The following PDZD8 variants were observed in gnomAD, a reference collection of about 807,000 sequenced individuals.
PDZD8 encodes the protein PDZ domain-containing protein 8.
PDZD8 carries 14 observed loss-of-function variants against 85.8 expected under a neutral mutation model. The ratio of observed to expected loss-of-function variants is 0.16; its 90% confidence interval spans 0.11 to 0.26. The LOEUF (loss-of-function observed/expected upper bound fraction) is 0.26, where lower values mean the gene tolerates loss of function less well. PDZD8 is among the 10% of genes least tolerant of loss of function. The pLI is 1.00. For synonymous variants in PDZD8, 592 were observed against 568.6 expected (o/e 1.04, Z -0.59); for missense variants, 1,197 against 1,424.3 (o/e 0.84, Z 2.57).
At chr10:117,294,485 C>A (rs546591909) in intron 3 of PDZD8, among the ~76,000 whole-genome samples, 2 of 152,112 alleles carry the variant, frequency 1.3e-5, no homozygotes, top group African/African-American at 4.8e-5. Flanking sequence ...AGCAATGATC[C>A]AATAATCCCA....
chr10:117,368,889 T>A (rs1321717521), intron 1 of PDZD8, among the ~76,000 whole-genome samples: 2 of 131,390 alleles, frequency 1.5e-5, no homozygotes, highest in Non-Finnish European at 3.2e-5. Flanking sequence ...ACAGTCTCAC[T>A]CTGTTGCCCA....
At chr10:117,285,987 A>C (rs758549027) in intron 4 of PDZD8, among the ~76,000 whole-genome samples, 25 of 152,226 alleles carry the variant, frequency 1.6e-4, no homozygotes, top group Non-Finnish European at 3.5e-4. Flanking sequence ...ATACTATACT[A>C]TGAATAACGT....
chr10:117,288,087 C>A (rs1418010706), intron 4 of PDZD8, among the ~76,000 whole-genome samples: 6 of 152,078 alleles, frequency 3.9e-5, no homozygotes, highest in African/African-American at 1.4e-4. Context: ...AGGAATACAC[C>A]ATTCAAGTCT....
chr10:117,354,834 A>G (rs1247762501), intron 1 of PDZD8, among the ~76,000 whole-genome samples: 1 of 152,238 alleles, frequency 6.6e-6, no homozygotes, highest in Non-Finnish European at 1.5e-5. Flanking sequence ...TAACTCAGTG[A>G]GTGATCATTT....
At chr10:117,331,169 T>C (rs750424991) in intron 2 of PDZD8, among the ~76,000 whole-genome samples, 7 of 152,228 alleles carry the variant, frequency 4.6e-5, no homozygotes, top group Non-Finnish European at 1.0e-4. Flanking sequence ...TCGTAGTATT[T>C]AGACAAAATG....
chr10:117,345,200 TC>T (rs1055255398), intron 1 of PDZD8, among the ~76,000 whole-genome samples: 26 of 152,312 alleles, frequency 1.7e-4, no homozygotes, highest in African/African-American at 6.3e-4. Context: ...GTGAAGAAGC[TC>T]AAACCTAAAG....
chr10:117,362,959 A>T (rs1481675458), intron 1 of PDZD8, among the ~76,000 whole-genome samples: 3 of 152,126 alleles, frequency 2.0e-5, no homozygotes, highest in Admixed American at 2.0e-4. Context: ...AATCCAAAGA[A>T]TTAAACATTA....
chr10:117,355,064 G>A, intron 1 of PDZD8, among the ~76,000 whole-genome samples: 1 of 152,128 alleles, frequency 6.6e-6, no homozygotes, highest in East Asian at 1.9e-4. Flanking sequence ...TTCTGTGTTG[G>A]TAAATTATGA....
chr10:117,285,288 G>C lies in PDZD8; in HGVS notation c.1445C>G (p.Ala482Gly). 2 of 1,614,126 alleles carry C rather than the reference G, an allele frequency of 1.2e-6. No individual in the cohort carries two copies. Among genetic ancestry groups the C allele is most frequent in the Non-Finnish European group, 1.7e-6 (2 of 1,180,022 alleles). Residue 482 changes from alanine to glycine, a missense_variant, in exon 5 of 5, where the codon GCT becomes GGT. Ala to Gly is a moderately conservative substitution (Grantham distance 60, BLOSUM62 0). Transcript: ENST00000334464. ...SSCQSGYEEE[A>G]AGLTVDTESR... is the part of the protein sequence containing the mutation. ...TTCAGTATCTACTGTCAACCCGGCAGCTTCCTCTTCATAACCCGATTGGCA... is the reference window on the plus strand; with the variant it reads ...TTCAGTATCTACTGTCAACCCGGCACCTTCCTCTTCATAACCCGATTGGCA...
intron 3 of PDZD8, among the ~76,000 whole-genome samples, chr10:117,305,912 C>T (rs907443092): frequency 1.3e-5 from 2 of 152,098 alleles, no homozygotes; most frequent in African/African-American, 4.8e-5. Flanking sequence ...CTAGTTTTGT[C>T]ACCTTAGACA....
intron 1 of PDZD8, among the ~76,000 whole-genome samples, chr10:117,366,377 C>G (rs1427979935): frequency 2.0e-5 from 3 of 151,982 alleles, no homozygotes; most frequent in Non-Finnish European, 4.4e-5. Flanking sequence ...AGGACAGGAC[C>G]CTCAAAGACT....
In PDZD8 at chr10:117,346,889, T is replaced by C. The variant is rs535673480; in HGVS notation, c.873-5787A>G. On this transcript the variant is annotated intron_variant, in intron 1 of 4. Coordinates refer to ENST00000334464, the MANE Select transcript of PDZD8 (RefSeq NM_173791.5). ...GGGGCTATGTAAGTAGCACACCTGG[T>C]CAACCCAATCCCCTGAGCCCTATGT... 7.2e-5 allele frequency among the ~76,000 whole-genome samples: 11 copies of C among 152,058 alleles called. No individual in the cohort carries two copies. The South Asian group carries it at 2.3e-3, about 32-fold the overall frequency.
chr10:117,358,018 C>T (rs190367362), intron 1 of PDZD8, among the ~76,000 whole-genome samples: 4 of 151,954 alleles, frequency 2.6e-5, no homozygotes, highest in South Asian at 2.1e-4. Flanking sequence ...CAGGATTGGC[C>T]GTGAGTTGAC....
At chr10:117,324,654 A>C (rs1392876965) in intron 2 of PDZD8, among the ~76,000 whole-genome samples, 1 of 152,212 alleles carries the variant, frequency 6.6e-6, no homozygotes, top group Non-Finnish European at 1.5e-5. Flanking sequence ...GAATTTATAA[A>C]ACTCTAATGA....
At chr10:117,363,411 A>T (rs1405921265) in intron 1 of PDZD8, among the ~76,000 whole-genome samples, 1 of 152,166 alleles carries the variant, frequency 6.6e-6, no homozygotes, top group Non-Finnish European at 1.5e-5. Context: ...AGATTCTTGT[A>T]GCCAGCTACT....
In PDZD8 at chr10:117,345,835, G is replaced by A. The variant is rs182042994; in HGVS notation, c.873-4733C>T. Among the ~76,000 whole-genome samples, 318 of 152,260 alleles carry A rather than the reference G, an allele frequency of 2.1e-3. 1 individual carries two copies. Among genetic ancestry groups the A allele is most frequent in the Non-Finnish European group, 3.4e-3 (232 of 68,022 alleles). On this transcript the variant is annotated intron_variant, in intron 1 of 4. Transcript: ENST00000334464. The stretch of plus-strand genomic sequence containing the variant: ...GCCTTCAGGTAGTAGGCTTTGGAGA[G>A]AATAGGCTGTAAAACGTTTCTTATC...
intron 1 of PDZD8, among the ~76,000 whole-genome samples, chr10:117,369,628 A>C (rs1298099361): frequency 6.6e-6 from 1 of 152,128 alleles, no homozygotes; most frequent in Non-Finnish European, 1.5e-5. Context: ...TACGGGTCTC[A>C]AATTCATATA....
intron 3 of PDZD8, among the ~76,000 whole-genome samples, chr10:117,312,628 A>G (rs889365626): frequency 6.6e-6 from 1 of 152,212 alleles, no homozygotes; most frequent in African/African-American, 2.4e-5. Flanking sequence ...CATCAGGAAC[A>G]TGAGATTTAT....
At chr10:117,300,602 C>T (rs145804380) in intron 3 of PDZD8, among the ~76,000 whole-genome samples, 181 of 152,246 alleles carry the variant, frequency 1.2e-3, no homozygotes, top group Middle Eastern at 3.4e-3. Flanking sequence ...CTTCCAAAGG[C>T]GATTGCTATG....
Sources: allele counts gnomAD v4.1 joint callset (sites outside exome capture counted in the v4.1 genomes callset), GRCh38; gene constraint gnomAD v4.1.1; transcripts MANE v1.5; gene names NCBI Gene and HGNC (gene_info 2026-07-23, HGNC 2026-07-21).